ZPBP: variants seen among roughly 807,000 people sequenced by gnomAD.
The protein encoded by ZPBP is zona pellucida-binding protein 1.
A neutral mutation model predicts 44.8 loss-of-function variants in ZPBP; 26 were observed. That is an observed-to-expected ratio of 0.58 (90% CI 0.43 to 0.81). ZPBP has a LOEUF of 0.81. Ranked by LOEUF, ZPBP falls within the 30% of genes least tolerant of loss-of-function variation. The pLI is 0.00. For synonymous variants in ZPBP, 174 were observed against 153.2 expected (o/e 1.14, Z -1.00); for missense variants, 409 against 434.0 (o/e 0.94, Z 0.51).
chr7:50,017,380 T>C (rs1475604179), intron 6 of ZPBP, among the ~76,000 whole-genome samples: 2 of 152,054 alleles, frequency 1.3e-5, no homozygotes, highest in Non-Finnish European at 2.9e-5. Context: ...ATACAAGCGA[T>C]GGGGATGGGG....
chr7:49,921,601 T>C (rs140715475), intron 1 of ZPBP: 26 of 152,270 alleles, frequency 1.7e-4, no homozygotes, highest in African/African-American at 6.3e-4. Flanking sequence ...GAGTGAATAT[T>C]TGTAAAACAC....
intron 6 of ZPBP, among the ~76,000 whole-genome samples, chr7:49,997,528 T>C (rs1797902739): frequency 6.6e-6 from 1 of 152,236 alleles, no homozygotes; most frequent in Non-Finnish European, 1.5e-5. Flanking sequence ...AAGGGTCTTC[T>C]AGGACTTGAA....
intron 3 of ZPBP, among the ~76,000 whole-genome samples, chr7:50,063,922 G>A (rs1031166442): frequency 6.6e-6 from 1 of 152,132 alleles, no homozygotes; most frequent in African/African-American, 2.4e-5. Flanking sequence ...ACATAGATTG[G>A]GGTGTGGTAC....
chr7:49,940,146 C>T (rs1794809775), intron 7 of ZPBP, among the ~76,000 whole-genome samples: 1 of 152,244 alleles, frequency 6.6e-6, no homozygotes, highest in East Asian at 1.9e-4. Context: ...TCTCTTTGTT[C>T]TCTGCAGTGC....
intron 1 of ZPBP, among the ~76,000 whole-genome samples, chr7:49,924,753 C>A (rs6972893): frequency 0.75 from 113,874 of 152,036 alleles, 42,884 homozygotes; most frequent in East Asian, 0.89. Context: ...CTAGTAAAAA[C>A]CCTTGACATA....
intron 1 of ZPBP, 28 bp downstream of exon 1, chr7:50,093,040 G>A: frequency 6.3e-7 from 1 of 1,589,308 alleles, no homozygotes; most frequent in Non-Finnish European, 8.6e-7. Flanking sequence ...TGTCCCTGCG[G>A]AGCCGGCAGG....
intron 4 of ZPBP, among the ~76,000 whole-genome samples, chr7:50,057,232 C>T (rs1800988907): frequency 6.6e-6 from 1 of 151,124 alleles, no homozygotes; most frequent in Non-Finnish European, 1.5e-5. Flanking sequence ...CATCCCTTTC[C>T]TTTCAGTTGC....
At chr7:49,874,754 T>C (rs148022409) in intron 2 of ZPBP, among the ~76,000 whole-genome samples, 2,056 of 152,262 alleles carry the variant, frequency 0.014, 37 homozygotes, top group African/African-American at 0.047. Context: ...ACCTTTGCTA[T>C]AGGACTGTGA....
intron 3 of ZPBP, among the ~76,000 whole-genome samples, chr7:50,073,040 G>A (rs1224530872): frequency 6.6e-6 from 1 of 152,104 alleles, no homozygotes; most frequent in Non-Finnish European, 1.5e-5. Context: ...CACTATTCAG[G>A]AAAACATGAC....
At chr7:49,979,147 G>C (rs1796663707) in intron 7 of ZPBP, among the ~76,000 whole-genome samples, 1 of 151,518 alleles carries the variant, frequency 6.6e-6, no homozygotes, top group African/African-American at 2.4e-5. Context: ...TTGCTTGGAT[G>C]GTACTTGCTA....
At chr7:49,924,969 A>C in intron 1 of ZPBP, among the ~76,000 whole-genome samples, 1 of 152,128 alleles carries the variant, frequency 6.6e-6, no homozygotes, top group East Asian at 1.9e-4. Context: ...AACAGCAAAA[A>C]ACTTTTCTAG....
intron 7 of ZPBP, among the ~76,000 whole-genome samples, chr7:49,965,157 C>T (rs1796009966): frequency 6.6e-6 from 1 of 152,070 alleles, no homozygotes; most frequent in Non-Finnish European, 1.5e-5. Flanking sequence ...TTCCAAACAA[C>T]TTACCAATGT....
At chr7:49,907,969 G>C (rs1337092594) in intron 1 of ZPBP, among the ~76,000 whole-genome samples, 1 of 152,136 alleles carries the variant, frequency 6.6e-6, no homozygotes, top group African/African-American at 2.4e-5. Flanking sequence ...CTCCTGGATG[G>C]GGGAAAAGAC....
At chr7:50,039,176 C>T (rs1194575994) in intron 4 of ZPBP, among the ~76,000 whole-genome samples, 3 of 151,672 alleles carry the variant, frequency 2.0e-5, no homozygotes, top group Non-Finnish European at 4.4e-5. Flanking sequence ...TAAAGGAAAC[C>T]AAAATTGAAG....
chr7:50,058,256 G>A (rs1437836804), intron 3 of ZPBP, 115 bp from the exon 4 acceptor site: 2 of 1,088,660 alleles, frequency 1.8e-6, no homozygotes, highest in Non-Finnish European at 2.8e-6. Flanking sequence ...TGAAAGGAGT[G>A]GGGGGCATAG....
At chr7:50,019,454 T>G (rs1035233126) in intron 5 of ZPBP, among the ~76,000 whole-genome samples, 1 of 152,100 alleles carries the variant, frequency 6.6e-6, no homozygotes, top group African/African-American at 2.4e-5. Context: ...TTCTACAGTA[T>G]TTACATAAGT....
chr7:49,954,855 C>G (rs1795507714), intron 7 of ZPBP, among the ~76,000 whole-genome samples: 1 of 152,106 alleles, frequency 6.6e-6, no homozygotes. Flanking sequence ...GATTAACTTA[C>G]TAAAACCAAA....
At chr7:50,025,040 C>T (rs1274654209) in intron 5 of ZPBP, among the ~76,000 whole-genome samples, 1 of 151,508 alleles carries the variant, frequency 6.6e-6, no homozygotes, top group Non-Finnish European at 1.5e-5. Flanking sequence ...AATTTGAAAA[C>T]AATGAAATGC....
intron 4 of ZPBP, among the ~76,000 whole-genome samples, chr7:50,057,186 CAAAA>C (rs200305836): frequency 2.1e-5 from 2 of 94,000 alleles, no homozygotes; most frequent in Non-Finnish European, 4.3e-5. Flanking sequence ...GACTCCATCT[CAAAA>C]AAAAAAAAAA....
Sources: gnomAD v4.1 joint callset for allele counts (sites outside exome capture counted in the v4.1 genomes callset) on GRCh38, gnomAD v4.1.1 for gene constraint, MANE v1.5 for transcripts, NCBI Gene and HGNC (gene_info 2026-07-23, HGNC 2026-07-21) for gene names.